The following GPR158 variants were observed in gnomAD, a reference collection of about 807,000 sequenced individuals.
GPR158 encodes metabotropic glycine receptor.
A neutral mutation model predicts 78.2 loss-of-function variants in GPR158; 30 were observed. The observed-to-expected ratio is 0.38, with a 90% CI of 0.29 to 0.52. The LOEUF is 0.52. GPR158 is among the 20% of genes least tolerant of loss of function. GPR158 has a pLI of 0.83. For missense variants in GPR158, 1,463 were observed against 1,523.5 expected (o/e 0.96, Z 0.66); for synonymous variants, 581 against 591.1 (o/e 0.98, Z 0.25).
At chr10:25,558,451 C>A (rs7903204) in intron 6 of GPR158, among the ~76,000 whole-genome samples, 86,052 of 152,060 alleles carry the variant, frequency 0.57, 26,457 homozygotes, top group African/African-American at 0.81. Context: ...GGCAGCAAAA[C>A]GGGGAGGGGC....
At chr10:25,420,231 C>A (rs1834730681) in intron 4 of GPR158, among the ~76,000 whole-genome samples, 1 of 152,144 alleles carries the variant, frequency 6.6e-6, no homozygotes, top group Non-Finnish European at 1.5e-5. Context: ...CTCACTGCAG[C>A]CTCAAACTCC....
chr10:25,389,250 A>C (rs2130518383), intron 2 of GPR158, among the ~76,000 whole-genome samples: 1 of 152,144 alleles, frequency 6.6e-6, no homozygotes, highest in Non-Finnish European at 1.5e-5. Flanking sequence ...AGGCCCATAA[A>C]AGCCCTGCAC....
chr10:25,338,460 T>TTACGTATATTATACGTATAATA (rs1564426182), intron 2 of GPR158, among the ~76,000 whole-genome samples: 3 of 126,186 alleles, frequency 2.4e-5, no homozygotes, highest in Admixed American at 7.6e-5. Context: ...AATATATATA[T>TTACGTATATTATACGTATAATA]TACGTATATT....
intron 6 of GPR158, among the ~76,000 whole-genome samples, chr10:25,554,446 A>C (rs1836762600): frequency 6.6e-6 from 1 of 152,144 alleles, no homozygotes; most frequent in Admixed American, 6.5e-5. Flanking sequence ...GTCTCTCACT[A>C]ATTGATTGTA....
At chr10:25,296,537 G>T (rs1219778316) in intron 2 of GPR158, among the ~76,000 whole-genome samples, 5 of 151,754 alleles carry the variant, frequency 3.3e-5, no homozygotes, top group Non-Finnish European at 7.4e-5. Context: ...ATCTTTCCTT[G>T]TCCAAGATTA....
intron 1 of GPR158, among the ~76,000 whole-genome samples, chr10:25,219,317 C>T (rs1389621126): frequency 6.6e-6 from 1 of 152,136 alleles, no homozygotes; most frequent in Non-Finnish European, 1.5e-5. Context: ...ATAGTGTTAT[C>T]TTACAGTGAT....
intron 2 of GPR158, among the ~76,000 whole-genome samples, chr10:25,384,727 C>A (rs145240902): frequency 6.6e-6 from 1 of 151,406 alleles, no homozygotes; most frequent in Non-Finnish European, 1.5e-5. Flanking sequence ...CCTGTATGCA[C>A]CTCATCTTAG....
intron 6 of GPR158, among the ~76,000 whole-genome samples, chr10:25,553,232 C>T (rs1404258528): frequency 6.6e-6 from 1 of 152,144 alleles, no homozygotes; most frequent in Non-Finnish European, 1.5e-5. Context: ...AATCTTGACA[C>T]TAGTATGCAA....
At chr10:25,510,361 T>C (rs1399471414) in intron 5 of GPR158, among the ~76,000 whole-genome samples, 1 of 152,178 alleles carries the variant, frequency 6.6e-6, no homozygotes, top group Non-Finnish European at 1.5e-5. Context: ...AAGATGATAT[T>C]GTATAGGAGC....
intron 5 of GPR158, among the ~76,000 whole-genome samples, chr10:25,492,372 A>T: frequency 6.6e-6 from 1 of 151,448 alleles, no homozygotes; most frequent in South Asian, 2.1e-4. Flanking sequence ...ACTTTCCCCC[A>T]CCATCTCTAG....
intron 5 of GPR158, among the ~76,000 whole-genome samples, chr10:25,534,730 C>T (rs533723934): frequency 5.0e-4 from 76 of 152,062 alleles, no homozygotes; most frequent in Admixed American, 1.1e-3. Flanking sequence ...CTTCAGCCTG[C>T]GTGACAGAGC....
At chr10:25,525,510 T>C (rs1836335566) in intron 5 of GPR158, among the ~76,000 whole-genome samples, 1 of 152,164 alleles carries the variant, frequency 6.6e-6, no homozygotes, top group African/African-American at 2.4e-5. Context: ...GTACTCTACA[T>C]TGTATGGATG....
intron 2 of GPR158, among the ~76,000 whole-genome samples, chr10:25,288,592 G>A (rs78690164): frequency 6.6e-6 from 1 of 152,158 alleles, no homozygotes; most frequent in Non-Finnish European, 1.5e-5. Context: ...TGATGGAGAG[G>A]AACGTAATTT....
intron 2 of GPR158, among the ~76,000 whole-genome samples, chr10:25,285,583 CAGAT>C (rs1404982322): frequency 6.6e-6 from 1 of 152,144 alleles, no homozygotes; most frequent in Non-Finnish European, 1.5e-5. Context: ...CCAGTTTCTG[CAGAT>C]AGATCAACAC....
chr10:25,471,927 A>T (rs543382902), intron 5 of GPR158, among the ~76,000 whole-genome samples: 1 of 152,084 alleles, frequency 6.6e-6, no homozygotes, highest in Admixed American at 6.5e-5. Flanking sequence ...GTTCACTCTG[A>T]TGGTAGTTTC....
intron 9 of GPR158, among the ~76,000 whole-genome samples, chr10:25,595,322 G>T (rs186468319): frequency 3.7e-4 from 57 of 152,216 alleles, no homozygotes; most frequent in African/African-American, 1.3e-3. Flanking sequence ...ACAAGTATTT[G>T]TATAGATTAT....
intron 4 of GPR158, among the ~76,000 whole-genome samples, chr10:25,421,342 C>T (rs1046275570): frequency 1.3e-5 from 2 of 152,086 alleles, no homozygotes; most frequent in Non-Finnish European, 2.9e-5. Flanking sequence ...TGATGTTCCT[C>T]CTTCGTGCTT....
At chr10:25,308,111 A>AT (rs1255477121) in intron 2 of GPR158, among the ~76,000 whole-genome samples, 1 of 152,056 alleles carries the variant, frequency 6.6e-6, no homozygotes, top group African/African-American at 2.4e-5. Context: ...ATTTACATGT[A>AT]TTTTTTAATA....
At chr10:25,453,633 A>T (rs1285515678) in intron 4 of GPR158, among the ~76,000 whole-genome samples, 4 of 152,126 alleles carry the variant, frequency 2.6e-5, no homozygotes, top group Admixed American at 2.6e-4. Flanking sequence ...ATCTGATTTC[A>T]TTCTTCTGTT....
Sources: gnomAD v4.1 joint callset for allele counts (sites outside exome capture counted in the v4.1 genomes callset) on GRCh38, gnomAD v4.1.1 for gene constraint, MANE v1.5 for transcripts, NCBI Gene and HGNC (gene_info 2026-07-23, HGNC 2026-07-21) for gene names.